The following GALNTL6 variants were observed in gnomAD, a reference collection of about 807,000 sequenced individuals.
The protein encoded by GALNTL6 is polypeptide N-acetylgalactosaminyltransferase-like 6.
Under a neutral mutation model 73.7 loss-of-function variants are expected in GALNTL6, and 46 were observed. That is an observed-to-expected ratio of 0.62 (90% CI 0.49 to 0.80). GALNTL6 has a LOEUF of 0.80. GALNTL6 is among the 30% of genes least tolerant of loss of function. GALNTL6 has a pLI of 0.00. For synonymous variants in GALNTL6, 259 were observed against 263.7 expected (o/e 0.98, Z 0.17); for missense variants, 604 against 755.0 (o/e 0.80, Z 2.34).
At chr4:171,816,945 T>C (rs1734540540) in intron 2 of GALNTL6, among the ~76,000 whole-genome samples, 1 of 152,116 alleles carries the variant, frequency 6.6e-6, no homozygotes, top group African/African-American at 2.4e-5. Context: ...GGCTAATGTA[T>C]GTGTATATTG....
intron 5 of GALNTL6, among the ~76,000 whole-genome samples, chr4:172,762,835 C>T (rs888211225): frequency 3.4e-5 from 5 of 149,218 alleles, no homozygotes; most frequent in Non-Finnish European, 7.4e-5. Context: ...ATGCATTCCT[C>T]CAACTATTTG....
intron 5 of GALNTL6, among the ~76,000 whole-genome samples, chr4:172,473,242 A>T (rs764416850): frequency 1.6e-4 from 24 of 151,798 alleles, no homozygotes; most frequent in Non-Finnish European, 2.9e-4. Flanking sequence ...CTTCTACATC[A>T]TTTGCCTACT....
At chr4:171,906,771 C>G (rs1374464994) in intron 2 of GALNTL6, among the ~76,000 whole-genome samples, 1 of 152,154 alleles carries the variant, frequency 6.6e-6, no homozygotes, top group African/African-American at 2.4e-5. Context: ...CCGAATCCAG[C>G]AGCACATCAA....
intron 9 of GALNTL6, among the ~76,000 whole-genome samples, chr4:172,948,322 A>T (rs1749270609): frequency 6.6e-6 from 1 of 152,194 alleles, no homozygotes; most frequent in South Asian, 2.1e-4. Flanking sequence ...CATCTCTTGT[A>T]AAACTACAGA....
At chr4:172,816,925 A>G (rs970015888) in intron 7 of GALNTL6, among the ~76,000 whole-genome samples, 1 of 151,828 alleles carries the variant, frequency 6.6e-6, no homozygotes, top group African/African-American at 2.4e-5. Context: ...TGTTCAATAC[A>G]GTGAAACCCC....
intron 2 of GALNTL6, among the ~76,000 whole-genome samples, chr4:172,046,253 T>C (rs1458748757): frequency 2.6e-5 from 4 of 152,084 alleles, no homozygotes; most frequent in Non-Finnish European, 5.9e-5. Context: ...TTTTAAATCT[T>C]TTGGGCACGT....
intron 10 of GALNTL6, among the ~76,000 whole-genome samples, chr4:172,991,110 T>C (rs1292239299): frequency 6.6e-6 from 1 of 152,192 alleles, no homozygotes; most frequent in Non-Finnish European, 1.5e-5. Flanking sequence ...CATGTCACTA[T>C]AAGTAATTTC....
At chr4:172,581,356 G>T (rs899759373) in intron 5 of GALNTL6, among the ~76,000 whole-genome samples, 2 of 152,110 alleles carry the variant, frequency 1.3e-5, no homozygotes, top group Admixed American at 1.3e-4. Flanking sequence ...CTTGGTAGTA[G>T]CTTCACTTAT....
intron 5 of GALNTL6, among the ~76,000 whole-genome samples, chr4:172,783,843 C>G (rs923019274): frequency 3.3e-5 from 5 of 151,990 alleles, no homozygotes; most frequent in African/African-American, 1.2e-4. Flanking sequence ...TTTAGTAGCC[C>G]TAAGTATTTA....
intron 5 of GALNTL6, among the ~76,000 whole-genome samples, chr4:172,403,409 A>G (rs1178269785): frequency 6.6e-6 from 1 of 152,094 alleles, no homozygotes; most frequent in Non-Finnish European, 1.5e-5. Context: ...CATGCCATGA[A>G]GAGAACTCAT....
chr4:172,042,026 G>T (rs187098007), intron 2 of GALNTL6, among the ~76,000 whole-genome samples: 12 of 152,124 alleles, frequency 7.9e-5, no homozygotes, highest in Non-Finnish European at 1.8e-4. Context: ...CACTTGAAAA[G>T]GTCATGTGTA....
At chr4:172,242,103 T>G (rs916667433) in intron 3 of GALNTL6, among the ~76,000 whole-genome samples, 3 of 152,194 alleles carry the variant, frequency 2.0e-5, no homozygotes, top group Admixed American at 2.0e-4. Flanking sequence ...ACGTATAATT[T>G]TTTTTTAAGT....
intron 5 of GALNTL6, among the ~76,000 whole-genome samples, chr4:172,380,690 A>C (rs1451238745): frequency 6.6e-6 from 1 of 152,250 alleles, no homozygotes; most frequent in Non-Finnish European, 1.5e-5. Context: ...TTAAAAATGT[A>C]ATTGAAATCT....
intron 2 of GALNTL6, among the ~76,000 whole-genome samples, chr4:172,120,675 G>C (rs1389889744): frequency 6.6e-6 from 1 of 151,978 alleles, no homozygotes; most frequent in Non-Finnish European, 1.5e-5. Flanking sequence ...TCGGGGGGTG[G>C]GGTGGGGAAT....
intron 4 of GALNTL6, among the ~76,000 whole-genome samples, chr4:172,316,786 A>T (rs1034565860): frequency 1.4e-4 from 21 of 152,226 alleles, no homozygotes; most frequent in Admixed American, 1.2e-3. Flanking sequence ...ATTATACTCA[A>T]GACTGAAGTC....
In GALNTL6 at chr4:171,874,609, G is replaced by A. The variant is rs74459135; in HGVS notation, c.138+59891G>A. On this transcript the variant is annotated intron_variant, in intron 2 of 12. Coordinates refer to ENST00000506823, the MANE Select transcript of GALNTL6 (RefSeq NM_001034845.3). ...AACCATGGCTGGGAGATGGGGTCCCGTAAAATCATGGAGACACCTGGTCCA... is the reference window on the plus strand; with the variant it reads ...AACCATGGCTGGGAGATGGGGTCCCATAAAATCATGGAGACACCTGGTCCA... 3.0e-3 allele frequency among the ~76,000 whole-genome samples: 450 copies of A among 152,216 alleles called. 6 individuals carry two copies. The East Asian group carries it at 0.044, about 15-fold the overall frequency.
chr4:172,638,652 C>A (rs1739810858), intron 5 of GALNTL6, among the ~76,000 whole-genome samples: 1 of 152,094 alleles, frequency 6.6e-6, no homozygotes, highest in South Asian at 2.1e-4. Context: ...TCCTACAAAG[C>A]CAGTATAATT....
chr4:172,596,790 T>C (rs1469329649), intron 5 of GALNTL6, among the ~76,000 whole-genome samples: 1 of 152,214 alleles, frequency 6.6e-6, no homozygotes, highest in East Asian at 1.9e-4. Flanking sequence ...ATGTATATTT[T>C]ATAGACTTAC....
At chr4:172,546,819 C>T (rs200045219) in intron 5 of GALNTL6, among the ~76,000 whole-genome samples, 1 of 6,810 alleles carries the variant, frequency 1.5e-4, no homozygotes, top group African/African-American at 7.1e-4. Flanking sequence ...TATATATATA[C>T]GTATATGTAT....
Sources: gnomAD v4.1 joint callset for allele counts (sites outside exome capture counted in the v4.1 genomes callset) on GRCh38, gnomAD v4.1.1 for gene constraint, MANE v1.5 for transcripts, NCBI Gene and HGNC (gene_info 2026-07-23, HGNC 2026-07-21) for gene names.